The following ATP2C1 variants were observed in gnomAD, a reference collection of about 807,000 sequenced individuals.
ATP2C1 encodes the protein ATPase secretory pathway Ca2+ transporting 1.
ATP2C1 carries 31 observed loss-of-function variants against 120.5 expected under a neutral mutation model. The ratio of observed to expected loss-of-function variants is 0.26; its 90% CI spans 0.19 to 0.35. The LOEUF (loss-of-function observed/expected upper bound fraction) is 0.35, where lower values mean the gene tolerates loss of function less well. ATP2C1 is among the 10% of genes least tolerant of loss of function. The probability of loss-of-function intolerance (pLI) is 1.00; values close to 1 mark genes in which losing one functional copy is unlikely to be tolerated. For synonymous variants in ATP2C1, 351 were observed against 358.7 expected (o/e 0.98, Z 0.24); for missense variants, 731 against 1,107.5 (o/e 0.66, Z 4.83).
At chr3:130,891,232 T>C (rs533071783), upstream of ATP2C1, among the ~76,000 whole-genome samples, 15 of 152,330 alleles carry the variant, frequency 9.8e-5, no homozygotes, top group East Asian at 2.9e-3. Flanking sequence ...GGAAAGATTT[T>C]AAAATAATTT....
chr3:130,856,255 G>C (rs918616499), intron 1 of ATP2C1: 4 of 152,108 alleles, frequency 2.6e-5, no homozygotes, highest in Non-Finnish European at 4.4e-5. Context: ...TAACCTCAAA[G>C]TTGCACTGTT....
chr3:130,861,728 C>T (rs2068020041), intron 1 of ATP2C1, among the ~76,000 whole-genome samples: 1 of 152,084 alleles, frequency 6.6e-6, no homozygotes, highest in Admixed American at 6.6e-5. Flanking sequence ...AAATTAACAT[C>T]ACAAAATTGT....
intron 3 of ATP2C1, 83 bp from the exon 4 acceptor site, chr3:130,931,939 T>A: frequency 1.1e-6 from 1 of 881,980 alleles, no homozygotes; most frequent in South Asian, 1.4e-5. Flanking sequence ...GTAAATGTGA[T>A]AATACATTAT....
chr3:130,934,786 A>G, intron 5 of ATP2C1, 75 bp downstream of exon 5: 2 of 1,028,274 alleles, frequency 1.9e-6, no homozygotes, highest in Non-Finnish European at 1.5e-6. Context: ...TTTGGAAAAT[A>G]AATTGAGAAG....
chr3:130,876,660 C>T (rs921749160), intron 1 of ATP2C1, among the ~76,000 whole-genome samples: 4 of 151,988 alleles, frequency 2.6e-5, no homozygotes, highest in African/African-American at 4.8e-5. Context: ...TGAAGAATGT[C>T]GTTGGTATTT....
Position 130,979,385 on chromosome 3 carries a change from T to C in ATP2C1, c.1707T>C (p.Ile569=). 1 of 1,613,646 alleles carries C rather than the reference T, an allele frequency of 6.2e-7. No individual in the cohort carries two copies. The highest frequency in any genetic ancestry group is 2.2e-5 in the East Asian group (1 of 44,826). Residue 569 remains isoleucine, a synonymous_variant, in exon 19 of 28, where the codon ATT becomes ATC. Transcript: ENST00000510168. ...CCTCAGGAGTATCAATAAAAATGAT[T>C]ACTGGAGATTCACAGGAGACTGCAG... ...LIASGVSIKM[I]TGDSQETAVA...
intron 2 of ATP2C1, chr3:130,930,201 C>A: frequency 1.8e-6 from 1 of 547,374 alleles, no homozygotes; most frequent in Non-Finnish European, 3.3e-6. Context: ...TCTAGCTGGG[C>A]ACCGATGGCT....
intron 1 of ATP2C1, chr3:130,868,489 C>G: frequency 1.0e-5 from 1 of 99,438 alleles, no homozygotes; most frequent in Non-Finnish European, 2.2e-5. Context: ...TGCCCGGCCG[C>G]CCCTACTGGG....
At chr3:130,899,416 AG>A (rs2069943032) in intron 2 of ATP2C1, 2 of 152,284 alleles carry the variant, frequency 1.3e-5, no homozygotes, top group South Asian at 4.1e-4. Context: ...GAAAATTATG[AG>A]GAGGAGAAAA....
At position 130,958,650 on chromosome 3, in the gene ATP2C1, ATTC is replaced by A. The variant is rs557755445; in HGVS notation, c.833-622_833-620del. ...CCTGCTTGTGCGCCCCTTTCCCCCT[ATTC>A]TTTTCAAAGATAAAAGGTTAAAGCA... On this transcript the variant is annotated intron_variant, in intron 11 of 27. Transcript: ENST00000510168. 6.5e-3 allele frequency among the ~76,000 whole-genome samples: 983 copies of A among 152,158 alleles called. 7 individuals are homozygous for A. Among genetic ancestry groups the A allele is most frequent in the Non-Finnish European group, 9.8e-3 (666 of 67,980 alleles).
chr3:130,967,276 C>T (rs2061088067), intron 15 of ATP2C1, 36 bp downstream of exon 15: 11 of 1,611,646 alleles, frequency 6.8e-6, no homozygotes, highest in Non-Finnish European at 9.3e-6. Flanking sequence ...TGACTTTCTT[C>T]ATAATAACTT....
At chr3:130,946,918 C>T (rs2060177068) in intron 8 of ATP2C1, among the ~76,000 whole-genome samples, 1 of 152,182 alleles carries the variant, frequency 6.6e-6, no homozygotes, top group African/African-American at 2.4e-5. Context: ...CCATGTACAG[C>T]ACATTGTATC....
upstream of ATP2C1, among the ~76,000 whole-genome samples, chr3:130,893,449 C>T (rs1398661665): frequency 2.0e-5 from 3 of 152,176 alleles, no homozygotes; most frequent in Non-Finnish European, 1.5e-5. Flanking sequence ...AGTCGCCCCG[C>T]GATTACCGGC....
At chr3:130,890,002 G>C (rs756161469), upstream of ATP2C1, among the ~76,000 whole-genome samples, 3 of 151,988 alleles carry the variant, frequency 2.0e-5, no homozygotes, top group Non-Finnish European at 4.4e-5. Flanking sequence ...GTAGGAGCTT[G>C]GATTTTAGTT....
chr3:131,007,323 T>C (rs1429579842), downstream of ATP2C1, among the ~76,000 whole-genome samples: 1 of 152,204 alleles, frequency 6.6e-6, no homozygotes, highest in African/African-American at 2.4e-5. Flanking sequence ...GCTATTCCTA[T>C]CCTGTTTTAC....
chr3:130,937,539 A>C, intron 6 of ATP2C1, 76 bp downstream of exon 6: 2 of 1,231,676 alleles, frequency 1.6e-6, no homozygotes, highest in East Asian at 2.3e-5. Flanking sequence ...GGTAGAACCT[A>C]CCGTTATTGG....
At chr3:131,015,998 G>A in intron 26 of ATP2C1, 1 of 996,912 alleles carries the variant, frequency 1.0e-6, no homozygotes, top group Non-Finnish European at 1.5e-6. Context: ...AGCTGTAACA[G>A]TGACTCAAAA....
upstream of ATP2C1, chr3:130,894,003 C>T (rs141589843): frequency 5.1e-6 from 5 of 985,980 alleles, no homozygotes; most frequent in African/African-American, 8.7e-5. The surrounding 1 kb of genome is among the most constrained non-coding windows in gnomAD (Gnocchi z 4.5). Flanking sequence ...AAGCTGGGTT[C>T]GCGGCTGGCC....
intron 26 of ATP2C1, among the ~76,000 whole-genome samples, chr3:131,009,006 T>C (rs2063217033): frequency 6.6e-6 from 1 of 152,198 alleles, no homozygotes; most frequent in African/African-American, 2.4e-5. Context: ...CATCTCTCTC[T>C]CTTTGCTCAC....
Sources: gnomAD v4.1 joint callset for allele counts (sites outside exome capture counted in the v4.1 genomes callset) on GRCh38, gnomAD v4.1.1 for gene constraint, Gnocchi (gnomAD v3.1) non-coding constraint, MANE v1.5 for transcripts, NCBI Gene and HGNC (gene_info 2026-07-23, HGNC 2026-07-21) for gene names.